The following ADGRD1 variants were observed in gnomAD, a reference collection of about 807,000 sequenced individuals.
ADGRD1 encodes adhesion G protein-coupled receptor D1.
A neutral mutation model predicts 113.4 loss-of-function variants in ADGRD1; 77 were observed. That is an observed-to-expected ratio of 0.68 (90% confidence interval 0.57 to 0.82). The LOEUF is 0.82. Ranked by LOEUF, ADGRD1 falls within the 40% of genes least tolerant of loss-of-function variation. ADGRD1 has a pLI of 0.00. For synonymous variants in ADGRD1, 474 were observed against 475.0 expected, an observed-to-expected ratio of 1.00 and a Z score of 0.03; for missense variants, 1,036 against 1,139.1, an observed-to-expected ratio of 0.91 and a Z score of 1.30.
chr12:131,015,837 C>T (rs540320001), intron 13 of ADGRD1, among the ~76,000 whole-genome samples: 2 of 152,248 alleles, frequency 1.3e-5, no homozygotes, highest in Non-Finnish European at 2.9e-5. Context: ...CTGCTCCATT[C>T]TCCCCACAGT....
chr12:131,015,552 TTGGAGATGGAGATGGAGATGGGAA>T (rs1878459616), intron 13 of ADGRD1, among the ~76,000 whole-genome samples: 1 of 83,306 alleles, frequency 1.2e-5, no homozygotes, highest in Admixed American at 1.1e-4. Context: ...GGGACTGGAG[TTGGAGATGGAGATGGAGATGGGAA>T]TGGAGATGGA....
rs1038283654 is a variant in ADGRD1, at chr12:131,075,099, T to C, written c.1474-1702T>C. On this transcript the variant is annotated intron_variant, in intron 13 of 24. Coordinates refer to ENST00000261654, the MANE Select transcript of ADGRD1 (RefSeq NM_198827.5). This position sits in a 1 kb window ranked among gnomAD's most constrained non-coding sequence, Gnocchi z 5.3. Reference sequence around the variant, plus strand: ...AGAAGCCTTGCCACGTGTTGATGTGTATGGGTCTGGCTGCTGGCTTCCCCA... The same window carrying C: ...AGAAGCCTTGCCACGTGTTGATGTGCATGGGTCTGGCTGCTGGCTTCCCCA... 4.6e-5 allele frequency among the ~76,000 whole-genome samples: 7 copies of C among 152,200 alleles called. No individual in the cohort carries two copies. The highest frequency in any genetic ancestry group is 7.3e-5 in the Non-Finnish European group (5 of 68,038).
At chr12:131,077,740 T>C (rs1479815207) in intron 14 of ADGRD1, among the ~76,000 whole-genome samples, 1 of 152,072 alleles carries the variant, frequency 6.6e-6, no homozygotes, top group Non-Finnish European at 1.5e-5. Flanking sequence ...GATATTGTTT[T>C]TGTTTTTGTT....
chr12:131,084,146 G>A lies in ADGRD1; in HGVS notation c.1548-394G>A, dbSNP rs568492083. Among the ~76,000 whole-genome samples, 1 of 152,328 alleles carries A rather than the reference G, an allele frequency of 6.6e-6. No homozygotes were observed. ...TTATGTTACCGTCACTCATGATTCAGTGACTGGGCTTGAATGTGGTCCCTG... is the reference window on the plus strand; with the variant it reads ...TTATGTTACCGTCACTCATGATTCAATGACTGGGCTTGAATGTGGTCCCTG... On this transcript the variant is annotated intron_variant, in intron 14 of 24. Transcript: ENST00000261654. This position sits in a 1 kb window ranked among gnomAD's most constrained non-coding sequence, Gnocchi z 4.5.
Position 131,000,372 on chromosome 12 carries a change from T to C in ADGRD1, c.967-11T>C. The C allele has an allele frequency of 6.2e-7, 1 of 1,611,692 alleles. No individual in the cohort carries two copies. Among genetic ancestry groups the C allele is most frequent in the Non-Finnish European group, 8.5e-7 (1 of 1,177,932 alleles). ...ACAGGTGCTGAGCAGTGTCATTTTG[T>C]CCACCTTTAGACCTTCTTAAAAGCC... On this transcript the variant is annotated splice_polypyrimidine_tract_variant and intron_variant, in intron 8 of 24. Coordinates refer to ENST00000261654, the MANE Select transcript of ADGRD1 (RefSeq NM_198827.5).
chr12:131,130,517 G>A (rs1395209972), intron 20 of ADGRD1, among the ~76,000 whole-genome samples: 1 of 152,232 alleles, frequency 6.6e-6, no homozygotes, highest in East Asian at 1.9e-4. Flanking sequence ...AGAGAGCCCT[G>A]GGCGGAGGGC....
At chr12:130,960,004 C>T (rs1870152552) in intron 2 of ADGRD1, among the ~76,000 whole-genome samples, 1 of 152,206 alleles carries the variant, frequency 6.6e-6, no homozygotes, top group African/African-American at 2.4e-5. Context: ...CATCTGGAAG[C>T]TTTTCCAGGG....
chr12:130,990,976 C>G (rs1874303658), intron 6 of ADGRD1, 38 bp from the exon 7 acceptor site: 1 of 1,567,964 alleles, frequency 6.4e-7, no homozygotes, highest in Non-Finnish European at 8.8e-7. Context: ...AAAAAAGTGA[C>G]CATGTTTTAG....
At chr12:131,020,372 A>T (rs1879188650) in intron 13 of ADGRD1, among the ~76,000 whole-genome samples, 2 of 151,254 alleles carry the variant, frequency 1.3e-5, no homozygotes, top group Admixed American at 6.6e-5. Flanking sequence ...TGCTTCAGGG[A>T]GATGTTCCAG....
At chr12:131,063,718 CAT>C (rs1884513881) in intron 13 of ADGRD1, among the ~76,000 whole-genome samples, 1 of 152,322 alleles carries the variant, frequency 6.6e-6, no homozygotes, top group African/African-American at 2.4e-5. Flanking sequence ...AGCTTGAGCA[CAT>C]GATTCATATC....
intron 5 of ADGRD1, among the ~76,000 whole-genome samples, chr12:130,982,587 T>G (rs1232624353): frequency 8.5e-5 from 13 of 152,254 alleles, no homozygotes; most frequent in African/African-American, 3.1e-4. Context: ...GTTTAAAGCA[T>G]GACGAGAAGA....
intron 13 of ADGRD1, among the ~76,000 whole-genome samples, chr12:131,054,702 T>A (rs1358182184): frequency 6.6e-6 from 1 of 152,168 alleles, no homozygotes; most frequent in Non-Finnish European, 1.5e-5. Flanking sequence ...TCCATGCAGC[T>A]CTCTCCTCTC....
chr12:131,033,845 G>A (rs1881077463), intron 13 of ADGRD1, among the ~76,000 whole-genome samples: 2 of 152,152 alleles, frequency 1.3e-5, no homozygotes, highest in South Asian at 2.1e-4. Flanking sequence ...GTGAAGGCTG[G>A]GGACACGTGG....
intron 4 of ADGRD1, chr12:130,977,646 C>T (rs1027324123): frequency 2.0e-5 from 3 of 152,436 alleles, no homozygotes; most frequent in South Asian, 2.1e-4. Flanking sequence ...AGCATCCGCT[C>T]AGAAGCTCCA....
At chr12:131,038,296 C>T (rs1242012522) in intron 13 of ADGRD1, among the ~76,000 whole-genome samples, 2 of 152,238 alleles carry the variant, frequency 1.3e-5, no homozygotes, top group African/African-American at 2.4e-5. Flanking sequence ...AGGGCCTGTG[C>T]GCTGAGCCAG....
Position 131,006,048 on chromosome 12 carries a change from G to C in ADGRD1, c.1331+1G>C. ...ACAACATCTGGCCCGCCCACACCAA[G>C]TGAGTCTCGGGGGTGCTCAGCTCAG... is the stretch of plus-strand genomic sequence containing the variant. On this transcript the variant is annotated splice_donor_variant, in intron 12 of 24. Coordinates refer to ENST00000261654, the MANE Select transcript of ADGRD1 (RefSeq NM_198827.5). LOFTEE classifies it high-confidence loss of function. The C allele has an allele frequency of 6.2e-7, 1 of 1,612,578 alleles. No individual in the cohort carries two copies. Among genetic ancestry groups the C allele is most frequent in the South Asian group, 1.1e-5 (1 of 91,068 alleles).
intron 7 of ADGRD1, 77 bp downstream of exon 7, chr12:130,991,155 C>A: frequency 8.5e-7 from 1 of 1,180,746 alleles, no homozygotes; most frequent in Non-Finnish European, 1.3e-6. Context: ...AGAGAAAATT[C>A]CATTAGGTGT....
intron 18 of ADGRD1, among the ~76,000 whole-genome samples, chr12:131,117,576 G>T (rs1950497431): frequency 6.6e-6 from 1 of 152,152 alleles, no homozygotes; most frequent in African/African-American, 2.4e-5. Flanking sequence ...CCTTGATTGA[G>T]TCTCATTGGG....
chr12:131,083,090 G>A (rs537545371), intron 14 of ADGRD1, among the ~76,000 whole-genome samples: 6 of 152,294 alleles, frequency 3.9e-5, no homozygotes, highest in Non-Finnish European at 5.9e-5. Context: ...TCATGCCATC[G>A]GACAGCCACA....
Sources: gnomAD v4.1 joint callset for allele counts (sites outside exome capture counted in the v4.1 genomes callset) on GRCh38, gnomAD v4.1.1 for gene constraint, Gnocchi (gnomAD v3.1) non-coding constraint, MANE v1.5 for transcripts, NCBI Gene and HGNC (gene_info 2026-07-23, HGNC 2026-07-21) for gene names.